The following PARD3 variants were observed in gnomAD, a reference collection of about 807,000 sequenced individuals.
PARD3 encodes the protein partitioning defective 3 homolog.
A neutral mutation model predicts 155.4 loss-of-function variants in PARD3; 75 were observed. The observed-to-expected ratio is 0.48, with a 90% CI of 0.40 to 0.58. The LOEUF is 0.58. Among genes scored for constraint, PARD3 ranks in the 20% least tolerant of loss-of-function variants. The pLI is 0.00. For synonymous variants in PARD3, 576 were observed against 610.5 expected (o/e 0.94, Z 0.83); for missense variants, 1,642 against 1,721.7 (o/e 0.95, Z 0.82).
chr10:34,271,756 T>C (rs1955620102), intron 21 of PARD3, among the ~76,000 whole-genome samples: 1 of 152,194 alleles, frequency 6.6e-6, no homozygotes, highest in South Asian at 2.1e-4. Context: ...AAATGCTTCT[T>C]ACTTGCAAAT....
At chr10:34,440,702 T>G (rs919663906) in intron 5 of PARD3, among the ~76,000 whole-genome samples, 1 of 152,002 alleles carries the variant, frequency 6.6e-6, no homozygotes, top group African/African-American at 2.4e-5. Flanking sequence ...AAGCAATAAA[T>G]AAAGACAGTT....
At chr10:34,186,296 G>A (rs373411569) in intron 22 of PARD3, among the ~76,000 whole-genome samples, 85 of 151,290 alleles carry the variant, frequency 5.6e-4, no homozygotes, top group African/African-American at 1.8e-3. Context: ...GGAGTTCAAG[G>A]CTGTAGCGGG....
At chr10:34,743,995 T>C (rs1191009293) in intron 1 of PARD3, among the ~76,000 whole-genome samples, 2 of 152,062 alleles carry the variant, frequency 1.3e-5, no homozygotes, top group African/African-American at 2.4e-5. Flanking sequence ...TCTCGGCTAG[T>C]TAAAAAGATC....
At chr10:34,406,073 G>A (rs748404116) in intron 5 of PARD3, among the ~76,000 whole-genome samples, 2 of 152,150 alleles carry the variant, frequency 1.3e-5, no homozygotes, top group Non-Finnish European at 2.9e-5. Flanking sequence ...TCTCCAAACT[G>A]CAGAGTTTAA....
At chr10:34,595,287 A>G (rs971609939) in intron 2 of PARD3, among the ~76,000 whole-genome samples, 2 of 152,226 alleles carry the variant, frequency 1.3e-5, no homozygotes, top group African/African-American at 4.8e-5. Context: ...GCAAAGATTC[A>G]TGAACTGAAA....
At chr10:34,338,667 T>C (rs57282042) in intron 16 of PARD3, among the ~76,000 whole-genome samples, 5,440 of 152,294 alleles carry the variant, frequency 0.036, 328 homozygotes, top group African/African-American at 0.12. Flanking sequence ...ATCAGAAATT[T>C]AGTTGCGATT....
At chr10:34,294,587 C>G (rs1956820769) in intron 20 of PARD3, among the ~76,000 whole-genome samples, 1 of 152,216 alleles carries the variant, frequency 6.6e-6, no homozygotes, top group African/African-American at 2.4e-5. Context: ...CGAATGCTCT[C>G]TACAGAGTAA....
intron 20 of PARD3, among the ~76,000 whole-genome samples, chr10:34,314,589 G>A (rs1419934635): frequency 6.6e-6 from 1 of 152,044 alleles, no homozygotes; most frequent in Non-Finnish European, 1.5e-5. Flanking sequence ...TGCTCTGCTG[G>A]GAGAAGAACT....
chr10:34,273,283 CCATATCACAGAA>C (rs1955716517), intron 21 of PARD3, among the ~76,000 whole-genome samples: 1 of 152,078 alleles, frequency 6.6e-6, no homozygotes, highest in Non-Finnish European at 1.5e-5. Context: ...TGGGGTGTGT[CCATATCACAGAA>C]CATTACTCAG....
intron 22 of PARD3, chr10:34,201,926 A>G (rs647758): frequency 0.65 from 98,608 of 152,120 alleles, 32,972 homozygotes; most frequent in African/African-American, 0.75. Context: ...TGCTCTTGGA[A>G]AAAAGGATCA....
At chr10:34,571,769 C>T (rs892839643) in intron 2 of PARD3, among the ~76,000 whole-genome samples, 1 of 152,192 alleles carries the variant, frequency 6.6e-6, no homozygotes, top group African/African-American at 2.4e-5. Context: ...TTTGGGAACA[C>T]TGAGTTGTGA....
At chr10:34,200,391 T>C (rs1951156177) in intron 22 of PARD3, among the ~76,000 whole-genome samples, 1 of 152,162 alleles carries the variant, frequency 6.6e-6, no homozygotes, top group Non-Finnish European at 1.5e-5. Flanking sequence ...ATATTTGTGG[T>C]TGCTGCCCAA....
chr10:34,558,841 G>A (rs948069996), intron 2 of PARD3, among the ~76,000 whole-genome samples: 1 of 152,158 alleles, frequency 6.6e-6, no homozygotes, highest in Non-Finnish European at 1.5e-5. Flanking sequence ...CAGCTACTCA[G>A]GAGGCTGAGG....
chr10:34,539,456 G>C (rs866471285), intron 2 of PARD3, among the ~76,000 whole-genome samples: 1 of 152,160 alleles, frequency 6.6e-6, no homozygotes. Flanking sequence ...ATCACCTAAG[G>C]TCAGGAGTTT....
intron 3 of PARD3, among the ~76,000 whole-genome samples, chr10:34,470,785 T>G (rs1405249626): frequency 2.6e-5 from 4 of 152,220 alleles, no homozygotes; most frequent in Non-Finnish European, 5.9e-5. Flanking sequence ...CACCTACCTT[T>G]TAATCATATC....
At chr10:34,124,553 T>A (rs1015070232) in intron 23 of PARD3, among the ~76,000 whole-genome samples, 10 of 152,190 alleles carry the variant, frequency 6.6e-5, no homozygotes, top group African/African-American at 2.4e-4. Flanking sequence ...TGTCTACCCA[T>A]CGTGCCTTCC....
chr10:34,800,982 C>A (rs1314733412), intron 1 of PARD3, among the ~76,000 whole-genome samples: 1 of 152,186 alleles, frequency 6.6e-6, no homozygotes, highest in Admixed American at 6.5e-5. Flanking sequence ...CTGCCTCGGA[C>A]TAAAATCCCC....
chr10:34,384,678 A>G (rs577288598), intron 7 of PARD3, among the ~76,000 whole-genome samples: 1 of 152,220 alleles, frequency 6.6e-6, no homozygotes, highest in South Asian at 2.1e-4. Flanking sequence ...TTTCTGTGAA[A>G]GTAAAGGTAA....
At chr10:34,441,229 T>C (rs1009467528) in intron 5 of PARD3, among the ~76,000 whole-genome samples, 2 of 152,168 alleles carry the variant, frequency 1.3e-5, no homozygotes, top group African/African-American at 4.8e-5. Flanking sequence ...GAGGGAGTTG[T>C]TGAGGTATAA....
Sources: allele counts gnomAD v4.1 joint callset (sites outside exome capture counted in the v4.1 genomes callset), GRCh38; gene constraint gnomAD v4.1.1; transcripts MANE v1.5; gene names NCBI Gene and HGNC (gene_info 2026-07-23, HGNC 2026-07-21).